PDE1A: variants seen among roughly 807,000 people sequenced by gnomAD.
PDE1A encodes the protein phosphodiesterase 1A.
Under a neutral mutation model 61.7 loss-of-function variants are expected in PDE1A, and 35 were observed. That is an observed-to-expected ratio of 0.57 (90% confidence interval 0.43 to 0.75). The LOEUF (loss-of-function observed/expected upper bound fraction) is 0.75, where lower values mean the gene tolerates loss of function less well. Ranked by LOEUF, PDE1A falls within the 30% of genes least tolerant of loss-of-function variation. The pLI is 0.00. For missense variants in PDE1A, 597 were observed against 630.6 expected (o/e 0.95, Z 0.57); for synonymous variants, 232 against 213.2 (o/e 1.09, Z -0.77).
chr2:182,382,610 T>C (rs1005797604), intron 1 of PDE1A, among the ~76,000 whole-genome samples: 2 of 152,156 alleles, frequency 1.3e-5, no homozygotes, highest in African/African-American at 4.8e-5. Flanking sequence ...TAAATAGGTG[T>C]CATAAGCTAC....
At chr2:182,344,854 G>A (rs1187017309) in intron 1 of PDE1A, among the ~76,000 whole-genome samples, 1 of 152,016 alleles carries the variant, frequency 6.6e-6, no homozygotes, top group Non-Finnish European at 1.5e-5. Flanking sequence ...CAAAGTGCCA[G>A]TTATTTGACT....
At chr2:182,245,036 G>T (rs1012192231) in intron 2 of PDE1A, among the ~76,000 whole-genome samples, 1 of 152,120 alleles carries the variant, frequency 6.6e-6, no homozygotes, top group African/African-American at 2.4e-5. Context: ...TGTGAAATGG[G>T]GGAAGCCTCC....
intron 1 of PDE1A, among the ~76,000 whole-genome samples, chr2:182,325,687 G>A (rs1288101974): frequency 6.6e-6 from 1 of 152,166 alleles, no homozygotes; most frequent in Non-Finnish European, 1.5e-5. Context: ...GGAGGCCTAG[G>A]CAGGTGGATT....
At chr2:182,423,947 C>CT (rs562590310) in intron 1 of PDE1A, among the ~76,000 whole-genome samples, 12,243 of 134,282 alleles carry the variant, frequency 0.091, 993 homozygotes, top group African/African-American at 0.22. Context: ...CTGGATTAAC[C>CT]TTTTTTTTTT....
chr2:182,460,837 T>C (rs1387285663), intron 2 of PDE1A, among the ~76,000 whole-genome samples: 1 of 152,202 alleles, frequency 6.6e-6, no homozygotes, highest in Non-Finnish European at 1.5e-5. Flanking sequence ...AAAGTAATTG[T>C]AGTTTTTGTT....
intron 1 of PDE1A, among the ~76,000 whole-genome samples, chr2:182,273,136 A>G (rs1693154558): frequency 6.6e-6 from 1 of 152,246 alleles, no homozygotes; most frequent in South Asian, 2.1e-4. Flanking sequence ...GAGCTAAAAC[A>G]TTGTGATTAT....
At chr2:182,562,929 A>G in the PDE1A span, among the ~76,000 whole-genome samples, 1 of 152,056 alleles carries the variant, frequency 6.6e-6, no homozygotes, top group South Asian at 2.1e-4. Context: ...TATTGTGTCT[A>G]TTTGATTCTT....
At chr2:182,607,433 C>T in the PDE1A span, among the ~76,000 whole-genome samples, 1 of 152,162 alleles carries the variant, frequency 6.6e-6, no homozygotes, top group Non-Finnish European at 1.5e-5. Flanking sequence ...TTTCACTATA[C>T]AGTTGTCTCT....
At chr2:182,316,529 T>C (rs1321298735) in intron 1 of PDE1A, among the ~76,000 whole-genome samples, 1 of 152,162 alleles carries the variant, frequency 6.6e-6, no homozygotes, top group African/African-American at 2.4e-5. Flanking sequence ...AAGCTCATAG[T>C]GTTAAGAATG....
intron 2 of PDE1A, among the ~76,000 whole-genome samples, chr2:182,250,817 G>A (rs1691345131): frequency 6.6e-6 from 1 of 152,164 alleles, no homozygotes; most frequent in African/African-American, 2.4e-5. Flanking sequence ...AAGACCTACG[G>A]AGTGCTTGGT....
intron 1 of PDE1A, among the ~76,000 whole-genome samples, chr2:182,281,407 G>A (rs1349775585): frequency 1.3e-5 from 2 of 151,908 alleles, no homozygotes; most frequent in East Asian, 3.9e-4. Context: ...AGCCTGTGGA[G>A]CAAATGGTCA....
chr2:182,544,993 TTAAA>T, the PDE1A span, among the ~76,000 whole-genome samples: 53 of 152,320 alleles, frequency 3.5e-4, no homozygotes, highest in African/African-American at 1.3e-3. Context: ...TTTATAATAA[TTAAA>T]TAAATACCGG....
the PDE1A span, among the ~76,000 whole-genome samples, chr2:182,646,615 C>T: frequency 6.6e-6 from 1 of 150,736 alleles, no homozygotes; most frequent in Non-Finnish European, 1.5e-5. Context: ...ACCCGGGAGG[C>T]GGAGGTTGCA....
intron 1 of PDE1A, among the ~76,000 whole-genome samples, chr2:182,409,144 C>A (rs547488207): frequency 7.2e-5 from 11 of 152,100 alleles, no homozygotes; most frequent in Non-Finnish European, 1.3e-4. Flanking sequence ...ATTTTTCAAT[C>A]CTCCTCCCTT....
chr2:182,597,601 C>T, the PDE1A span, among the ~76,000 whole-genome samples: 1 of 152,064 alleles, frequency 6.6e-6, no homozygotes, highest in Non-Finnish European at 1.5e-5. Context: ...CCACAATACC[C>T]ACCTCGTAAT....
At chr2:182,685,757 C>A in the PDE1A span, among the ~76,000 whole-genome samples, 1 of 152,182 alleles carries the variant, frequency 6.6e-6, no homozygotes, top group Non-Finnish European at 1.5e-5. Context: ...GTTACATCAG[C>A]AAAACTGATC....
intron 1 of PDE1A, among the ~76,000 whole-genome samples, chr2:182,352,552 G>T (rs967864672): frequency 3.3e-5 from 5 of 150,624 alleles, no homozygotes; most frequent in African/African-American, 1.2e-4. Context: ...AGAAAGGGAA[G>T]AAAGAGGAAA....
At chr2:182,441,803 T>C (rs1684814758) in intron 2 of PDE1A, among the ~76,000 whole-genome samples, 1 of 152,092 alleles carries the variant, frequency 6.6e-6, no homozygotes, top group Non-Finnish European at 1.5e-5. Context: ...AGAGGCTTCA[T>C]TGATCAAATC....
intron 2 of PDE1A, among the ~76,000 whole-genome samples, chr2:182,243,300 A>G (rs1054067874): frequency 1.4e-4 from 21 of 152,196 alleles, no homozygotes; most frequent in African/African-American, 4.8e-4. Context: ...TTATGATATA[A>G]GGTTAATTAT....
Sources: gnomAD v4.1 joint callset for allele counts (sites outside exome capture counted in the v4.1 genomes callset) on GRCh38, gnomAD v4.1.1 for gene constraint, MANE v1.5 for transcripts, NCBI Gene and HGNC (gene_info 2026-07-23, HGNC 2026-07-21) for gene names.